TBCD: variants seen among roughly 807,000 people sequenced by gnomAD.
TBCD encodes tubulin folding cofactor D.
In TBCD, 105 loss-of-function variants were observed where a neutral mutation model predicts 169.3. The ratio of observed to expected loss-of-function variants is 0.62; its 90% CI spans 0.53 to 0.73. The LOEUF (loss-of-function observed/expected upper bound fraction) is 0.73, where lower values mean the gene tolerates loss of function less well. Ranked by LOEUF, TBCD falls within the 30% of genes least tolerant of loss-of-function variation. The pLI, the probability that TBCD is intolerant of heterozygous loss-of-function variation, is 0.00. For missense variants in TBCD, 1,444 were observed against 1,600.1 expected (o/e 0.90, Z 1.66); for synonymous variants, 700 against 643.9 (o/e 1.09, Z -1.32).
chr17:82,924,723 A>G (rs2061615458), intron 26 of TBCD, among the ~76,000 whole-genome samples: 1 of 152,216 alleles, frequency 6.6e-6, no homozygotes, highest in Admixed American at 6.5e-5. Context: ...ACGGCACTCC[A>G]GCCTGGGTGA....
At chr17:82,780,681 G>C (rs947385739) in intron 6 of TBCD, among the ~76,000 whole-genome samples, 1 of 111,104 alleles carries the variant, frequency 9.0e-6, no homozygotes, top group African/African-American at 3.5e-5. Context: ...GTCTTGTTCT[G>C]TCTCTCAGGC....
chr17:82,889,698 G>A lies in TBCD; in HGVS notation c.1563+1G>A. On this transcript the variant is annotated splice_donor_variant, in intron 16 of 38. Transcript: ENST00000355528. LOFTEE classifies it high-confidence loss of function. The surrounding 1 kb of genome is among the most constrained non-coding windows in gnomAD (Gnocchi z 5.3). The stretch of plus-strand genomic sequence containing the variant: ...CTTCCAGGAGAATGTGGGGAGACAG[G>A]TATGGCTGCTTTCAAACACCTTTAT... 1 of 1,613,404 alleles carries A rather than the reference G, an allele frequency of 6.2e-7. No individual in the cohort carries two copies. The highest frequency in any genetic ancestry group is 8.5e-7 in the Non-Finnish European group (1 of 1,179,742).
intron 8 of TBCD, 88 bp from the exon 9 acceptor site, chr17:82,800,776 G>C: frequency 6.7e-7 from 1 of 1,499,294 alleles, no homozygotes. Flanking sequence ...GGCCCCTGTG[G>C]AGCCGGCTGT....
intron 13 of TBCD, among the ~76,000 whole-genome samples, chr17:82,866,180 G>T (rs565713555): frequency 6.6e-6 from 1 of 152,198 alleles, no homozygotes; most frequent in African/African-American, 2.4e-5. Context: ...GGTCGCCCAG[G>T]TGCCTGGCTG....
Position 82,832,509 on chromosome 17 carries a change from G to A in TBCD, c.1318+17575G>A, listed in dbSNP as rs960019367. 61 of 1,517,532 alleles carry A rather than the reference G, an allele frequency of 4.0e-5. No homozygotes were observed. The highest frequency in any genetic ancestry group is 3.4e-4 in the Middle Eastern group (2 of 5,910). The allele number at this position is 1,517,532 out of a possible 1,614,324, so 94.0% of individuals were successfully genotyped here. On this transcript the variant is annotated intron_variant, in intron 13 of 38. Coordinates refer to ENST00000355528, the MANE Select transcript of TBCD (RefSeq NM_005993.5). The surrounding 1 kb of genome is among the most constrained non-coding windows in gnomAD (Gnocchi z 4.9). ...TCCAGGTGGCGTGATCACTGTCGAC[G>A]CCGCGTGCACTTCGTGGTTTCTAAA... is the stretch of plus-strand genomic sequence containing the variant.
At chr17:82,808,507 G>A (rs1450816560) in intron 11 of TBCD, among the ~76,000 whole-genome samples, 1 of 132,094 alleles carries the variant, frequency 7.6e-6, no homozygotes. Context: ...CTGGGGGGCG[G>A]GGAGGCCCCT....
chr17:82,757,471 C>A (rs543529651), intron 2 of TBCD, among the ~76,000 whole-genome samples: 1 of 151,774 alleles, frequency 6.6e-6, no homozygotes, highest in South Asian at 2.1e-4. Flanking sequence ...TAATACAAAA[C>A]GTTAGCTGGG....
intron 7 of TBCD, among the ~76,000 whole-genome samples, chr17:82,783,053 G>A (rs1481250104): frequency 6.6e-6 from 1 of 151,884 alleles, no homozygotes; most frequent in Non-Finnish European, 1.5e-5. Context: ...TGTCCTGGCC[G>A]TGGCAGGTTC....
At chr17:82,871,235 A>AGT (rs55953458) in intron 14 of TBCD, among the ~76,000 whole-genome samples, 2 of 58 alleles carry the variant, frequency 0.034, no homozygotes, top group Non-Finnish European at 0.12. Context: ...CATGCAAAAC[A>AGT]TGTGTCCCCA....
chr17:82,801,889 G>T (rs1284355810), intron 9 of TBCD, among the ~76,000 whole-genome samples: 2 of 133,324 alleles, frequency 1.5e-5, no homozygotes, highest in Non-Finnish European at 1.6e-5. Context: ...CGTGTGGTTC[G>T]GAGTCAGCGT....
At chr17:82,809,451 G>A (rs994433680) in intron 11 of TBCD, among the ~76,000 whole-genome samples, 1 of 152,164 alleles carries the variant, frequency 6.6e-6, no homozygotes, top group Non-Finnish European at 1.5e-5. Context: ...CAGCGTCCGC[G>A]TTACAGTGGT....
intron 1 of TBCD, among the ~76,000 whole-genome samples, chr17:82,754,645 A>C (rs754750219): frequency 6.6e-6 from 1 of 152,248 alleles, no homozygotes; most frequent in Non-Finnish European, 1.5e-5. Context: ...AATGTCTCCC[A>C]GAGGTAGCTT....
At chr17:82,846,378 C>T (rs1460354985) in intron 13 of TBCD, among the ~76,000 whole-genome samples, 1 of 152,030 alleles carries the variant, frequency 6.6e-6, no homozygotes, top group African/African-American at 2.4e-5. Flanking sequence ...GTCCCATGTG[C>T]CGTGTCCTCT....
At chr17:82,860,821 C>T (rs1239972692) in intron 13 of TBCD, among the ~76,000 whole-genome samples, 2 of 152,212 alleles carry the variant, frequency 1.3e-5, no homozygotes, top group African/African-American at 2.4e-5. Flanking sequence ...AGGGTCTCTG[C>T]CCCGCCCCTG....
At chr17:82,799,662 T>C (rs629246) in intron 8 of TBCD, among the ~76,000 whole-genome samples, 62,203 of 152,026 alleles carry the variant, frequency 0.41, 12,797 homozygotes, top group Middle Eastern at 0.43. Flanking sequence ...CACCTGTGTG[T>C]ACTTCCATAC....
At chr17:82,838,901 A>C in intron 13 of TBCD, 1 of 985,440 alleles carries the variant, frequency 1.0e-6, no homozygotes, top group South Asian at 4.7e-5. Context: ...GAAATGCTGG[A>C]AGGCCTTTGC....
chr17:82,795,202 T>C lies in TBCD; in HGVS notation c.772-2555T>C, dbSNP rs1327118655. 2.0e-5 allele frequency among the ~76,000 whole-genome samples: 3 copies of C among 152,238 alleles called. No individual in the cohort carries two copies. In the East Asian group the frequency reaches 5.8e-4, roughly 29 times the overall value. On this transcript the variant is annotated intron_variant, in intron 7 of 38. Coordinates refer to ENST00000355528, the MANE Select transcript of TBCD (RefSeq NM_005993.5). The stretch of plus-strand genomic sequence containing the variant: ...AATTTCACAGTGTCTTGGATTCTTT[T>C]TATTTAGTGAGAGAAACCAGACGAC...
intron 17 of TBCD, among the ~76,000 whole-genome samples, chr17:82,898,085 T>C (rs1418059904): frequency 2.0e-5 from 3 of 149,244 alleles, no homozygotes; most frequent in Non-Finnish European, 4.4e-5. Flanking sequence ...CTCTGGGTTT[T>C]GGTGTGAGCA....
intron 14 of TBCD, among the ~76,000 whole-genome samples, chr17:82,879,909 A>G (rs2058240779): frequency 6.7e-6 from 1 of 150,116 alleles, no homozygotes; most frequent in Admixed American, 6.6e-5. Context: ...GGAGTGGTGT[A>G]TTGTTGGACG....
Sources: allele counts gnomAD v4.1 joint callset (sites outside exome capture counted in the v4.1 genomes callset), GRCh38; gene constraint gnomAD v4.1.1; non-coding constraint Gnocchi (gnomAD v3.1); transcripts MANE v1.5; gene names NCBI Gene and HGNC (gene_info 2026-07-23, HGNC 2026-07-21).